RICTOR: variants seen among roughly 807,000 people sequenced by gnomAD.
RICTOR encodes the protein RPTOR independent companion of MTOR complex 2.
Under a neutral mutation model 214.9 loss-of-function variants are expected in RICTOR, and 49 were observed. That is an observed-to-expected ratio of 0.23 (90% CI 0.18 to 0.29). The LOEUF is 0.29. Among genes scored for constraint, RICTOR ranks in the 10% least tolerant of loss-of-function variants. RICTOR has a pLI of 1.00. For missense variants in RICTOR, 1,625 were observed against 2,047.0 expected, an observed-to-expected ratio of 0.79 and a Z score of 3.98; for synonymous variants, 717 against 711.3, an observed-to-expected ratio of 1.01 and a Z score of -0.13.
At chr5:39,069,656 T>C (rs1759164089) in intron 2 of RICTOR, among the ~76,000 whole-genome samples, 1 of 152,150 alleles carries the variant, frequency 6.6e-6, no homozygotes, top group African/African-American at 2.4e-5. Context: ...AGAAAGCAAA[T>C]TAGATAATTC....
Position 39,002,570 on chromosome 5 carries a change from C to T in RICTOR, c.357G>A (p.Lys119=), listed in dbSNP as rs1247701996. 6.2e-7 allele frequency: 1 copy of T among 1,610,880 alleles called. No individual in the cohort carries two copies. The highest frequency in any genetic ancestry group is 8.5e-7 in the Non-Finnish European group (1 of 1,177,676). Residue 119 remains lysine, a synonymous_variant, in exon 5 of 38, where the codon AAG becomes AAA. Transcript: ENST00000357387. ...YLIQDSSILQ[K]VLKLKVDYLI... is the part of the protein sequence containing the mutation. ...AATAGTCCACTTTCAATTTTAGCAC[C>T]TTCTGGAGAATACTGGAGTCTTGGA...
chr5:38,979,201 A>G (rs1298562879), intron 8 of RICTOR, among the ~76,000 whole-genome samples: 1 of 152,122 alleles, frequency 6.6e-6, no homozygotes, highest in East Asian at 1.9e-4. Flanking sequence ...ACTAAGGTGT[A>G]GTGAGTGGTG....
intron 2 of RICTOR, among the ~76,000 whole-genome samples, chr5:39,024,561 T>C (rs2150140838): frequency 6.6e-6 from 1 of 152,308 alleles, no homozygotes; most frequent in South Asian, 2.1e-4. Context: ...ATTTAGGACC[T>C]ATGGTAGTTT....
intron 2 of RICTOR, among the ~76,000 whole-genome samples, chr5:39,065,138 C>T (rs1289141728): frequency 6.6e-6 from 1 of 152,222 alleles, no homozygotes; most frequent in African/African-American, 2.4e-5. Context: ...ATCATTTCTG[C>T]AGCCTATACA....
chr5:38,953,548 A>G lies in RICTOR; in HGVS notation c.2703T>C (p.Ile901=). 1 of 1,255,990 alleles carries G rather than the reference A, an allele frequency of 8.0e-7. No individual in the cohort carries two copies. Among genetic ancestry groups the G allele is most frequent in the Non-Finnish European group, 1.0e-6 (1 of 958,662 alleles). The allele number at this position is 1,255,990 out of a possible 1,614,324, so 77.8% of individuals were successfully genotyped here. The part of the protein sequence containing the change: ...TGCHLLEVQN[I]ITELCRNVRT... ...GAACATTACGACAGAGTTCTGTAAT[A>G]ATATTCTGGAGAAAGAAAAAAAAAT... Residue 901 remains isoleucine (I), a synonymous_variant, in exon 28 of 38, where the codon ATT becomes ATC. Coordinates refer to ENST00000357387, the MANE Select transcript of RICTOR (RefSeq NM_152756.5).
chr5:38,992,922 T>C (rs187665606), intron 6 of RICTOR, among the ~76,000 whole-genome samples: 7 of 152,224 alleles, frequency 4.6e-5, no homozygotes, highest in African/African-American at 9.6e-5. Context: ...ACAAAGGAAT[T>C]AGAGAAGCAC....
intron 30 of RICTOR, among the ~76,000 whole-genome samples, chr5:38,951,536 C>T (rs575202062): frequency 6.6e-6 from 1 of 152,014 alleles, no homozygotes; most frequent in African/African-American, 2.4e-5. Context: ...ATAGGCAGCA[C>T]TTCTTCTTTC....
At position 38,975,396 on chromosome 5, in the gene RICTOR, G is replaced by A. The variant is rs554843325; in HGVS notation, c.889+141C>T. On this transcript the variant is annotated intron_variant, in intron 10 of 37. Coordinates refer to ENST00000357387, the MANE Select transcript of RICTOR (RefSeq NM_152756.5). ...TCACCATATTTTAATAATTTTGTAC[G>A]AGTTCCTTTGGTTCTAATAATAATA... is the stretch of plus-strand genomic sequence containing the variant. The A allele has an allele frequency of 4.6e-4, 285 of 621,356 alleles. 1 individual carries two copies. Among genetic ancestry groups the A allele is most frequent in the Non-Finnish European group, 7.0e-4 (246 of 353,026 alleles). The allele number at this position is 621,356 out of a possible 1,614,324, so 38.5% of individuals were successfully genotyped here.
chr5:38,964,824 A>G lies in RICTOR; in HGVS notation c.1368T>C (p.Ala456=). The change falls in exon 16 of 38, where the codon GCT becomes GCC. Residue 456 remains alanine, a synonymous_variant. Coordinates refer to ENST00000357387, the MANE Select transcript of RICTOR (RefSeq NM_152756.5). ...TTTCCTTGGGGATATCAAAGGATGC[A>G]GCCATATTCATTAGGGTTGGCAAGC... is the stretch of plus-strand genomic sequence containing the variant. The part of the protein sequence containing the change: ...LHCLPTLMNM[A]ASFDIPKEKR... 6.2e-7 allele frequency: 1 copy of G among 1,604,196 alleles called. No individual in the cohort carries two copies. Among genetic ancestry groups the G allele is most frequent in the Non-Finnish European group, 8.5e-7 (1 of 1,172,842 alleles).
chr5:39,002,282 T>C (rs1202434844), intron 5 of RICTOR, among the ~76,000 whole-genome samples: 1 of 151,330 alleles, frequency 6.6e-6, no homozygotes, highest in Non-Finnish European at 1.5e-5. Context: ...CAGGAAAAAC[T>C]AGTCTGCAAT....
chr5:39,069,663 A>G (rs965859667), intron 2 of RICTOR, among the ~76,000 whole-genome samples: 4 of 152,132 alleles, frequency 2.6e-5, no homozygotes, highest in African/African-American at 9.7e-5. Flanking sequence ...AAATTAGATA[A>G]TTCTTCCATT....
chr5:39,071,597 G>A (rs1258110549), intron 2 of RICTOR, among the ~76,000 whole-genome samples: 1 of 152,100 alleles, frequency 6.6e-6, no homozygotes. Context: ...GAAGAAATCA[G>A]GGGTAAAGCA....
intron 2 of RICTOR, among the ~76,000 whole-genome samples, chr5:39,055,370 C>T (rs1364470091): frequency 2.6e-5 from 4 of 151,338 alleles, no homozygotes; most frequent in African/African-American, 4.9e-5. Context: ...GGTGCCTCCT[C>T]GGTATCAATT....
At position 38,950,687 on chromosome 5, in the gene RICTOR, C is replaced by T. The variant is rs2112859169; in HGVS notation, c.3161G>A (p.Ser1054Asn). Reference protein sequence around the residue: ...MFILEDDRFGSSSTSTFFLDI... With the variant: ...MFILEDDRFGNSSTSTFFLDI... ...AAGGAAAAATGTGCTAGTAGAGCTG[C>T]TGCCAAACCGGTCATCCTCCAATAT... Residue 1054 changes from serine to asparagine, a missense_variant, in exon 31 of 38, where the codon AGC becomes AAC. Around this residue, in one of 5 missense-constraint regions of RICTOR, gnomAD observed 1,214 missense variants for 1,470.5 expected, o/e 0.83. Transcript: ENST00000357387. The T allele has an allele frequency of 6.2e-7, 1 of 1,602,668 alleles. No individual in the cohort carries two copies. Among genetic ancestry groups the T allele is most frequent in the South Asian group, 1.1e-5 (1 of 89,156 alleles).
At chr5:39,043,284 A>C (rs1395101131) in intron 2 of RICTOR, among the ~76,000 whole-genome samples, 1 of 152,216 alleles carries the variant, frequency 6.6e-6, no homozygotes, top group Non-Finnish European at 1.5e-5. Context: ...GTATATATGC[A>C]CAATGGAATA....
chr5:38,959,420 C>T, intron 21 of RICTOR, 99 bp from the exon 22 acceptor site: 2 of 706,882 alleles, frequency 2.8e-6, no homozygotes, highest in Non-Finnish European at 4.5e-6. Context: ...GTATAAATGA[C>T]AAATAAAAAT....
intron 3 of RICTOR, among the ~76,000 whole-genome samples, chr5:39,017,202 T>C (rs2150130118): frequency 6.6e-6 from 1 of 152,306 alleles, no homozygotes; most frequent in Middle Eastern, 3.4e-3. Context: ...ATTATCTAGC[T>C]GTGCAAACTT....
intron 16 of RICTOR, 128 bp from the exon 17 acceptor site, chr5:38,963,169 C>T: frequency 1.6e-6 from 1 of 618,522 alleles, no homozygotes; most frequent in Non-Finnish European, 2.6e-6. Flanking sequence ...TAAATTATTT[C>T]ATCAAATTTG....
intron 7 of RICTOR, among the ~76,000 whole-genome samples, chr5:38,990,630 T>G (rs1561501540): frequency 2.5e-5 from 2 of 78,832 alleles, no homozygotes; most frequent in African/African-American, 4.2e-5. Context: ...ATATGATATA[T>G]ATATCTGACA....
Sources: gnomAD v4.1 joint callset for allele counts (sites outside exome capture counted in the v4.1 genomes callset) on GRCh38, gnomAD v4.1.1 for gene constraint, gnomAD v4.1.1 regional missense constraint, MANE v1.5 for transcripts, NCBI Gene and HGNC (gene_info 2026-07-23, HGNC 2026-07-21) for gene names.